RPL3: variants seen among roughly 807,000 people sequenced by gnomAD.
RPL3 encodes the protein ribosomal protein L3, also known as large ribosomal subunit protein uL3.
RPL3 carries 3 observed loss-of-function variants against 46.0 expected under a neutral mutation model. That is an observed-to-expected ratio of 0.07 (90% confidence interval 0.03 to 0.17). The LOEUF (loss-of-function observed/expected upper bound fraction) is 0.17, where lower values mean the gene tolerates loss of function less well. Ranked by LOEUF, RPL3 falls within the 10% of genes least tolerant of loss-of-function variation. The pLI is 1.00. For synonymous variants in RPL3, 224 were observed against 190.8 expected (o/e 1.17, Z -1.43); for missense variants, 387 against 532.7 (o/e 0.73, Z 2.69).
intron 6 of RPL3, 100 bp downstream of exon 6, chr22:39,314,586 T>C (rs1922561221): frequency 2.2e-6 from 3 of 1,363,196 alleles, no homozygotes; most frequent in Non-Finnish European, 2.0e-6. Context: ...ACGTGATGCA[T>C]AAGCTACAGT....
chr22:39,313,294 G>A lies in RPL3; in HGVS notation c.1064C>T (p.Thr355Met), dbSNP rs761936196. The change falls in exon 9 of 10, where the codon ACG (threonine) becomes ATG (methionine). Residue 355 changes from threonine (T) to methionine (M), a missense_variant. Thr to Met is a moderately conservative substitution (Grantham distance 81). This residue lies in a region of RPL3 where 131 missense variants were observed against 185.1 expected (regional missense o/e 0.71). Transcript: ENST00000216146. ...AATCTTCTCCAGAGCCCGCCGCTTC[G>A]TCTGCACCAGCAAGGACTATGGGCC... ...LTLRKSLLVQTKRRALEKIDL... is the reference protein window; with the variant it reads ...LTLRKSLLVQMKRRALEKIDL... 31 of 1,613,744 alleles carry A rather than the reference G, an allele frequency of 1.9e-5. No homozygotes were observed. The highest frequency in any genetic ancestry group is 2.7e-5 in the African/African-American group (2 of 74,918).
At chr22:39,319,461 G>C in intron 1 of RPL3, 134 bp downstream of exon 1, 1 of 1,238,562 alleles carries the variant, frequency 8.1e-7, no homozygotes, top group Non-Finnish European at 1.2e-6. Context: ...AGGCCAGACT[G>C]AAGTCCCCGC....
In RPL3 at chr22:39,312,934, C is replaced by G; in HGVS notation, c.*6G>C. On this transcript the variant is annotated 3_prime_UTR_variant, in exon 10 of 10. Transcript: ENST00000216146. The stretch of plus-strand genomic sequence containing the variant: ...ACCCCACCAACTGCAAAATCTGTTC[C>G]TGGCATTAAGCTCCTTCTTCCTTTG... 1 of 1,614,144 alleles carries G rather than the reference C, an allele frequency of 6.2e-7. No homozygotes were observed. The highest frequency in any genetic ancestry group is 8.5e-7 in the Non-Finnish European group (1 of 1,179,964).
Position 39,314,140 on chromosome 22 carries a change from G to A in RPL3, c.918C>T (p.Asp306=), listed in dbSNP as rs141100870. The stretch of plus-strand genomic sequence containing the variant: ...TGATGCTCTTGTCAGATAGGTCATA[G>A]TCAGTGGAGGCATTGTTCTTGATCA... The part of the protein sequence containing the change: ...GKLIKNNAST[D]YDLSDKSINP... The change falls in exon 7 of 10, where the codon GAC becomes GAT. Residue 306 remains aspartate, a synonymous_variant. Transcript: ENST00000216146. 1,287 of 1,613,266 alleles carry A rather than the reference G, an allele frequency of 8.0e-4. 4 individuals are homozygous for A. The African/African-American group carries it at 0.015, about 18-fold the overall frequency.
At chr22:39,317,874 A>G in intron 2 of RPL3, 1 of 511,886 alleles carries the variant, frequency 2.0e-6, no homozygotes, top group Non-Finnish European at 3.5e-6. Flanking sequence ...CTTCTACAGA[A>G]ACCTCTGGAG....
At chr22:39,317,438 G>A (rs1290610237) in intron 3 of RPL3, 23 bp downstream of exon 3, 1 of 1,607,362 alleles carries the variant, frequency 6.2e-7, no homozygotes. Flanking sequence ...CCAAGCTAGG[G>A]ACTGCATGGC....
At chr22:39,317,005 GGCAGAGC>G (rs766006242) in intron 3 of RPL3, 164 bp from the exon 4 acceptor site, 3 of 1,059,582 alleles carry the variant, frequency 2.8e-6, no homozygotes, top group Non-Finnish European at 4.3e-6. Context: ...GAGCTCATCG[GGCAGAGC>G]CGAGCGGAGC....
intron 4 of RPL3, among the ~76,000 whole-genome samples, chr22:39,316,195 G>C (rs1031672066): frequency 6.6e-6 from 1 of 151,476 alleles, no homozygotes; most frequent in Admixed American, 6.6e-5. Context: ...GCTGAGATAG[G>C]GCTATTGCAC....
chr22:39,319,142 G>C (rs1410891067), intron 1 of RPL3: 1 of 542,176 alleles, frequency 1.8e-6, no homozygotes, highest in South Asian at 1.4e-5. Flanking sequence ...GGCCTTCGGA[G>C]TGCACCAGCG....
At position 39,316,695 on chromosome 22, in the gene RPL3, A is replaced by T. The variant is rs905926514; in HGVS notation, c.501+11T>A. 1 of 1,612,122 alleles carries T rather than the reference A, an allele frequency of 6.2e-7. No individual in the cohort carries two copies. Among genetic ancestry groups the T allele is most frequent in the Non-Finnish European group, 8.5e-7 (1 of 1,179,842 alleles). ...GTGGCAGGCCAAGCCACCCCGGGGC[A>T]CTGGGCTCACCTGGGTGTGGGCAAT... On this transcript the variant is annotated intron_variant, in intron 4 of 9. Transcript: ENST00000216146.
At chr22:39,313,779 C>T in intron 7 of RPL3, 50 bp from the exon 8 acceptor site, 1 of 1,534,188 alleles carries the variant, frequency 6.5e-7, no homozygotes, top group Non-Finnish European at 9.0e-7. Context: ...GATTGTCGTG[C>T]AGATGACCCC....
chr22:39,318,980 G>A (rs753055259), intron 1 of RPL3: 9 of 539,660 alleles, frequency 1.7e-5, no homozygotes, highest in Non-Finnish European at 3.0e-5. Context: ...GCAATGTTAA[G>A]CTATAGGCTG....
intron 4 of RPL3, among the ~76,000 whole-genome samples, chr22:39,316,210 G>C (rs1207180632): frequency 2.7e-5 from 4 of 149,736 alleles, no homozygotes; most frequent in African/African-American, 7.4e-5. Context: ...TTGCACTCTA[G>C]CCTGGGCAAC....
chr22:39,313,316 G>T lies in RPL3; in HGVS notation c.1048-6C>A. The stretch of plus-strand genomic sequence containing the variant: ...TTCGTCTGCACCAGCAAGGACTATG[G>T]GCCAAGAGGGGAAGGGATTTAGGAT... On this transcript the variant is annotated splice_polypyrimidine_tract_variant and splice_region_variant and intron_variant, in intron 8 of 9. Transcript: ENST00000216146. 6.2e-7 allele frequency: 1 copy of T among 1,613,936 alleles called. No homozygotes were observed. Among genetic ancestry groups the T allele is most frequent in the Non-Finnish European group, 8.5e-7 (1 of 1,179,944 alleles).
chr22:39,318,216 C>G, intron 2 of RPL3, 184 bp downstream of exon 2: 1 of 620,330 alleles, frequency 1.6e-6, no homozygotes. Flanking sequence ...TGCTGACCAT[C>G]TGTAGCCTTG....
chr22:39,316,568 A>G, intron 4 of RPL3, 138 bp downstream of exon 4: 1 of 1,060,924 alleles, frequency 9.4e-7, no homozygotes. Context: ...TTCCCTTGCT[A>G]AGGGCCAGTA....
chr22:39,313,924 CCCA>C (rs753346529), intron 7 of RPL3, 180 bp downstream of exon 7: 2 of 833,462 alleles, frequency 2.4e-6, no homozygotes, highest in Non-Finnish European at 4.2e-6. Flanking sequence ...AGCCTGAGAC[CCCA>C]CTTCTCACCA....
intron 1 of RPL3, 107 bp downstream of exon 1, chr22:39,319,488 C>T (rs1389012683): frequency 6.7e-7 from 1 of 1,494,896 alleles, no homozygotes; most frequent in East Asian, 2.5e-5. Context: ...GCCCGTGCCC[C>T]TAAAGCAAAC....
chr22:39,316,152 TA>T (rs1316981923), intron 4 of RPL3, among the ~76,000 whole-genome samples: 1 of 151,664 alleles, frequency 6.6e-6, no homozygotes, highest in African/African-American at 2.4e-5. Context: ...GGCAGGAGAA[TA>T]GCTTGAACCT....
Sources: gnomAD v4.1 joint callset for allele counts (sites outside exome capture counted in the v4.1 genomes callset) on GRCh38, gnomAD v4.1.1 for gene constraint, gnomAD v4.1.1 regional missense constraint, MANE v1.5 for transcripts, NCBI Gene and HGNC (gene_info 2026-07-23, HGNC 2026-07-21) for gene names.